Variants in ASIC2 observed in about 807,000 individuals in gnomAD.
ASIC2 encodes the protein acid-sensing ion channel 2.
A neutral mutation model predicts 57.3 loss-of-function variants in ASIC2; 25 were observed. The observed-to-expected ratio is 0.44, with a 90% confidence interval of 0.32 to 0.61. The LOEUF (loss-of-function observed/expected upper bound fraction) is 0.61. Ranked by LOEUF, ASIC2 falls within the 20% of genes least tolerant of loss-of-function variation. The pLI is 0.06. For synonymous variants in ASIC2, 319 were observed against 307.5 expected, an observed-to-expected ratio of 1.04 and a Z score of -0.39; for missense variants, 641 against 738.1, an observed-to-expected ratio of 0.87 and a Z score of 1.52.
chr17:34,063,910 T>C (rs947983258), intron 1 of ASIC2, among the ~76,000 whole-genome samples: 1 of 152,200 alleles, frequency 6.6e-6, no homozygotes, highest in African/African-American at 2.4e-5. Flanking sequence ...TCCATGCTCA[T>C]GGATGGGTAG....
intron 1 of ASIC2, among the ~76,000 whole-genome samples, chr17:33,868,336 G>T (rs1400547114): frequency 2.0e-5 from 3 of 152,082 alleles, no homozygotes; most frequent in Admixed American, 1.3e-4. Flanking sequence ...CAATGGGTAT[G>T]CCTGTGTTCC....
chr17:33,756,078 C>T (rs1259369782), intron 1 of ASIC2, among the ~76,000 whole-genome samples: 2 of 152,214 alleles, frequency 1.3e-5, no homozygotes, highest in Admixed American at 6.5e-5. Flanking sequence ...AACATTGCAC[C>T]CCAATACTCT....
intron 2 of ASIC2, among the ~76,000 whole-genome samples, chr17:33,091,075 T>C (rs958683142): frequency 3.3e-5 from 5 of 152,160 alleles, no homozygotes; most frequent in African/African-American, 1.2e-4. Flanking sequence ...CTATTGATGG[T>C]GAATTCCTCA....
chr17:33,166,943 C>T (rs1567770421), intron 1 of ASIC2, among the ~76,000 whole-genome samples: 2 of 152,204 alleles, frequency 1.3e-5, no homozygotes, highest in African/African-American at 4.8e-5. Flanking sequence ...CATTTGGTAA[C>T]AGACTGGAAT....
intron 1 of ASIC2, among the ~76,000 whole-genome samples, chr17:33,420,675 AC>A (rs1383004152): frequency 2.6e-5 from 4 of 152,006 alleles, no homozygotes; most frequent in Non-Finnish European, 5.9e-5. Context: ...AAGCCAGTCC[AC>A]CCCCCTCCAA....
intron 3 of ASIC2, among the ~76,000 whole-genome samples, chr17:33,075,663 T>C (rs1294024749): frequency 6.6e-6 from 1 of 152,092 alleles, no homozygotes; most frequent in Non-Finnish European, 1.5e-5. Context: ...CACCAGGCCT[T>C]CTGGGGGAAA....
rs115079689 is a variant in ASIC2, at chr17:33,315,114, T to C, written c.556-203047A>G. Among the ~76,000 whole-genome samples the C allele has an allele frequency of 2.6e-3, 400 of 152,356 alleles. 4 individuals carry two copies. The highest frequency in any genetic ancestry group is 9.3e-3 in the African/African-American group (387 of 41,582). ...AAGACTCTGAGCTTCAGTCTTCTCA[T>C]CTGTATAATGGGGGTAACACAAACT... On this transcript the variant is annotated intron_variant, in intron 1 of 9. Coordinates refer to the ASIC2 transcript ENST00000359872.
chr17:33,396,485 G>C (rs746171590), intron 1 of ASIC2, among the ~76,000 whole-genome samples: 1 of 152,160 alleles, frequency 6.6e-6, no homozygotes, highest in Non-Finnish European at 1.5e-5. Flanking sequence ...GGGAAACTGA[G>C]GCTCAAATAA....
At chr17:34,026,177 C>G (rs114394294) in intron 1 of ASIC2, among the ~76,000 whole-genome samples, 1,554 of 152,262 alleles carry the variant, frequency 0.01, 27 homozygotes, top group African/African-American at 0.035. Flanking sequence ...TTTGCAGAGA[C>G]TGTGGAAAGC....
chr17:33,013,956 C>T lies in ASIC2; in HGVS notation c.*9G>A, dbSNP rs773679949. On this transcript the variant is annotated 3_prime_UTR_variant, in exon 10 of 10. Transcript: ENST00000225823. ...TGTTTGGAGGGAGTGCTGGGTGACT[C>T]GAGGGGTGTCAGCAGGCAATCTCCT... 3.6e-5 allele frequency: 57 copies of T among 1,569,844 alleles called. 1 individual carries two copies. The highest frequency in any genetic ancestry group is 2.6e-4 in the South Asian group (22 of 85,700).
intron 1 of ASIC2, among the ~76,000 whole-genome samples, chr17:33,809,281 G>A (rs17250328): frequency 6.6e-6 from 1 of 152,116 alleles, no homozygotes; most frequent in Non-Finnish European, 1.5e-5. Flanking sequence ...CCTACTTCAT[G>A]TCTGAACCCC....
intron 1 of ASIC2, among the ~76,000 whole-genome samples, chr17:33,636,517 G>T (rs957913601): frequency 1.6e-4 from 24 of 152,244 alleles, no homozygotes; most frequent in African/African-American, 5.8e-4. Context: ...CTAGTATTCA[G>T]GTGGAAAGCT....
intron 1 of ASIC2, among the ~76,000 whole-genome samples, chr17:34,023,868 T>C (rs1907275834): frequency 6.6e-6 from 1 of 152,214 alleles, no homozygotes. Context: ...ACTGGGTAAA[T>C]GTGGGCAGAT....
At chr17:33,287,961 C>T (rs1019762451) in intron 1 of ASIC2, among the ~76,000 whole-genome samples, 2 of 152,102 alleles carry the variant, frequency 1.3e-5, no homozygotes, top group Non-Finnish European at 2.9e-5. Flanking sequence ...GGAATTAAGC[C>T]AGGAGCCTTG....
intron 1 of ASIC2, among the ~76,000 whole-genome samples, chr17:33,470,947 G>C (rs1913030817): frequency 7.1e-6 from 1 of 141,538 alleles, no homozygotes; most frequent in African/African-American, 2.7e-5. Context: ...CCCTGCCTAG[G>C]GGTTTTCAGG....
At chr17:33,404,650 G>A (rs1334149668) in intron 1 of ASIC2, among the ~76,000 whole-genome samples, 2 of 152,106 alleles carry the variant, frequency 1.3e-5, no homozygotes, top group Admixed American at 1.3e-4. Context: ...ACATTAAGAG[G>A]GACAACATAT....
At chr17:34,090,888 A>C (rs1910308291) in intron 1 of ASIC2, among the ~76,000 whole-genome samples, 1 of 152,204 alleles carries the variant, frequency 6.6e-6, no homozygotes, top group Admixed American at 6.5e-5. Context: ...GGAAGGCTCC[A>C]GGAGAAAACT....
At chr17:34,047,479 A>G (rs1908380109) in intron 1 of ASIC2, among the ~76,000 whole-genome samples, 1 of 122,798 alleles carries the variant, frequency 8.1e-6, no homozygotes, top group African/African-American at 3.1e-5. Context: ...GATCTTTGCT[A>G]TTCTTAACAT....
chr17:33,800,889 A>T (rs1463598130), intron 1 of ASIC2, among the ~76,000 whole-genome samples: 1 of 152,166 alleles, frequency 6.6e-6, no homozygotes, highest in African/African-American at 2.4e-5. Flanking sequence ...GACATTAAGA[A>T]ACTTTCTTAA....
Sources: gnomAD v4.1 joint callset for allele counts (sites outside exome capture counted in the v4.1 genomes callset) on GRCh38, gnomAD v4.1.1 for gene constraint, MANE v1.5 for transcripts, NCBI Gene and HGNC (gene_info 2026-07-23, HGNC 2026-07-21) for gene names.